Variants in TRDMT1 observed in about 807,000 individuals in gnomAD.
TRDMT1 encodes tRNA (cytosine(38)-C(5))-methyltransferase.
In TRDMT1, 49 loss-of-function variants were observed where a neutral mutation model predicts 51.2. That is an observed-to-expected ratio of 0.96 (90% CI 0.76 to 1.21). The LOEUF is 1.21. TRDMT1 is among the 50% of genes most tolerant of loss of function. The pLI is 0.00. For synonymous variants in TRDMT1, 187 were observed against 164.6 expected (o/e 1.14, Z -1.04); for missense variants, 534 against 462.3 (o/e 1.16, Z -1.42).
Position 17,144,086 on chromosome 10 carries a change from A to G in TRDMT1, c.*4954T>C, listed in dbSNP as rs559277419. On this transcript the variant is annotated 3_prime_UTR_variant, in exon 11 of 11. Coordinates refer to ENST00000377799, the MANE Select transcript of TRDMT1 (RefSeq NM_004412.7). ...GGTGAGAATCTCTAAGAAAAATGGC[A>G]TGAAAAGTGAAGGGTAGAAAGAGAC... 1.1e-5 allele frequency: 11 copies of G among 985,328 alleles called. No individual in the cohort carries two copies. In the African/African-American group the frequency reaches 1.6e-4, roughly 14 times the overall value. 61.0% of individuals were successfully genotyped at this position (985,328 alleles called of 1,614,324 possible).
In TRDMT1 at chr10:17,144,532, T is replaced by C. The variant is rs1283846559; in HGVS notation, c.*4508A>G. On this transcript the variant is annotated 3_prime_UTR_variant, in exon 11 of 11. Transcript: ENST00000377799. ...ACTTGAGGGAGACTTCAGTAAGTGC[T>C]GGATGTGGCTGAAAGTAAGACTCAG... 2.0e-6 allele frequency: 2 copies of C among 985,848 alleles called. No individual in the cohort carries two copies. The highest frequency in any genetic ancestry group is 1.2e-6 in the Non-Finnish European group (1 of 829,930). The allele number at this position is 985,848 out of a possible 1,614,324, so 61.1% of individuals were successfully genotyped here.
intron 2 of TRDMT1, 77 bp from the exon 3 acceptor site, chr10:17,168,994 T>C: frequency 2.2e-6 from 2 of 892,770 alleles, no homozygotes; most frequent in Non-Finnish European, 3.4e-6. Context: ...ATACTAACTA[T>C]AATTAAATAT....
chr10:17,152,401 G>A (rs1269618651), intron 10 of TRDMT1, among the ~76,000 whole-genome samples: 3 of 152,108 alleles, frequency 2.0e-5, no homozygotes, highest in Non-Finnish European at 4.4e-5. Context: ...GTACAAAATG[G>A]TTGTGTTCCA....
Position 17,141,156 on chromosome 10 carries a change from G to T in TRDMT1, c.*7884C>A, listed in dbSNP as rs911269111. Among the ~76,000 whole-genome samples, 8 of 152,030 alleles carry T rather than the reference G, an allele frequency of 5.3e-5. No individual in the cohort carries two copies. The highest frequency in any genetic ancestry group is 1.9e-4 in the African/African-American group (8 of 41,416). ...GGCAACGTGTCATTTTTCTCCAGCT[G>T]CTTTTATTTATTTATTTATTTTTTT... On this transcript the variant is annotated 3_prime_UTR_variant, in exon 11 of 11. Transcript: ENST00000377799.
rs1358646902 is a variant in TRDMT1, at chr10:17,139,102, C to A, written c.*9938G>T. The A allele has an allele frequency of 5.6e-6, 5 of 886,908 alleles. No homozygotes were observed. The highest frequency in any genetic ancestry group is 6.8e-6 in the Non-Finnish European group (5 of 739,936). The allele number at this position is 886,908 out of a possible 1,614,324, so 54.9% of individuals were successfully genotyped here. A position where few individuals can be genotyped will look rare whatever the true frequency, so the allele number is the denominator to read the frequency against. On this transcript the variant is annotated 3_prime_UTR_variant, in exon 11 of 11. Transcript: ENST00000377799. ...ACAGCTCCCGGAATGGGGACTTCAG[C>A]AGCTCCATTGGATTAATCCAAGCTT... is the stretch of plus-strand genomic sequence containing the variant.
In TRDMT1 at chr10:17,201,660, C is replaced by G. The variant is rs1210325117; in HGVS notation, c.-26G>C. 5 of 1,536,392 alleles carry G rather than the reference C, an allele frequency of 3.3e-6. No homozygotes were observed. Among genetic ancestry groups the G allele is most frequent in the East Asian group, 2.5e-5 (1 of 40,286 alleles). On this transcript the variant is annotated 5_prime_UTR_variant, in exon 1 of 11. Transcript: ENST00000377799. ...CCCCGCGCCTCAGCCGCCGCAGCCC[C>G]GGAGCTAGGCCTGCCGGTCCGTCGC...
chr10:17,196,985 C>T (rs961175842), intron 1 of TRDMT1, among the ~76,000 whole-genome samples: 7 of 152,174 alleles, frequency 4.6e-5, no homozygotes, highest in African/African-American at 1.7e-4. Flanking sequence ...GAACCCAGCA[C>T]TGTTGGTGTA....
intron 10 of TRDMT1, chr10:17,151,962 C>T (rs985028481): frequency 1.6e-6 from 2 of 1,261,074 alleles, no homozygotes; most frequent in Non-Finnish European, 2.1e-6. Flanking sequence ...GGGCTCTGTG[C>T]TCCTTACCAA....
intron 8 of TRDMT1, 24 bp from the exon 9 acceptor site, chr10:17,154,758 T>C (rs572651585): frequency 1.3e-5 from 21 of 1,591,142 alleles, no homozygotes; most frequent in Non-Finnish European, 1.7e-5. Flanking sequence ...ACAACAATTA[T>C]GCAGCACCTG....
At chr10:17,173,755 G>A (rs938120164) in intron 2 of TRDMT1, among the ~76,000 whole-genome samples, 5 of 147,886 alleles carry the variant, frequency 3.4e-5, no homozygotes, top group African/African-American at 1.3e-4. Context: ...GATAAATTAG[G>A]AGAAACAACA....
Position 17,160,352 on chromosome 10 carries a change from C to G in TRDMT1, c.412G>C (p.Glu138Gln). ...STRDLLIQTI[E>Q]NCGFQYQEFL... is the part of the protein sequence containing the mutation. ...TCTTGGTACTGAAAGCCACAATTTTCTATTGTTTGTATCAAGAGGTCTCTA... is the reference window on the plus strand; with the variant it reads ...TCTTGGTACTGAAAGCCACAATTTTGTATTGTTTGTATCAAGAGGTCTCTA... Residue 138 changes from glutamate to glutamine, a missense_variant, in exon 6 of 11, where the codon GAA (glutamate) becomes CAA (glutamine). Glu to Gln is a conservative substitution (Grantham distance 29). Transcript: ENST00000377799. 1 of 1,558,120 alleles carries G rather than the reference C, an allele frequency of 6.4e-7. No homozygotes were observed. Among genetic ancestry groups the G allele is most frequent in the Non-Finnish European group, 8.7e-7 (1 of 1,151,840 alleles).
chr10:17,168,509 T>G (rs1416488252), intron 3 of TRDMT1, among the ~76,000 whole-genome samples: 1 of 152,188 alleles, frequency 6.6e-6, no homozygotes, highest in Non-Finnish European at 1.5e-5. Flanking sequence ...AAATCTCATC[T>G]TGAATTTCCA....
chr10:17,144,050 T>G lies in TRDMT1; in HGVS notation c.*4990A>C. ...GGTGTCATCGGCAAAATGGCTGAAG[T>G]TGTAGGAAAGGGTGAGAATCTCTAA... is the stretch of plus-strand genomic sequence containing the variant. On this transcript the variant is annotated 3_prime_UTR_variant, in exon 11 of 11. Coordinates refer to ENST00000377799, the MANE Select transcript of TRDMT1 (RefSeq NM_004412.7). 1.0e-6 allele frequency: 1 copy of G among 985,214 alleles called. No homozygotes were observed. Among genetic ancestry groups the G allele is most frequent in the African/African-American group, 1.7e-5 (1 of 57,270 alleles). 61.0% of individuals were successfully genotyped at this position (985,214 alleles called of 1,614,324 possible).
intron 3 of TRDMT1, among the ~76,000 whole-genome samples, chr10:17,166,265 C>G (rs146395766): frequency 0.016 from 2,403 of 150,962 alleles, 71 homozygotes; most frequent in African/African-American, 0.054. Flanking sequence ...CAAACTATCA[C>G]AAGGACAAAA....
intron 1 of TRDMT1, among the ~76,000 whole-genome samples, chr10:17,176,983 C>G (rs1486334642): frequency 6.6e-6 from 1 of 151,900 alleles, no homozygotes; most frequent in Non-Finnish European, 1.5e-5. Context: ...AAAAAGGAGG[C>G]AGAATTTGGG....
At position 17,174,622 on chromosome 10, in the gene TRDMT1, C is replaced by G; in HGVS notation, c.103G>C (p.Val35Leu). ...IPAQVVAAID[V>L]NTVANEVYKY... ...TATACTTCATTAGCGACAGTGTTGA[C>G]ATCAATGGCAGCCACCACTTGTGCA... Residue 35 changes from valine (V) to leucine (L), a missense_variant, in exon 2 of 11, where the codon GTC (valine) becomes CTC (leucine). Physicochemically the swap from Val to Leu is conservative, Grantham distance 32. Transcript: ENST00000377799. 1 of 1,614,022 alleles carries G rather than the reference C, an allele frequency of 6.2e-7. No homozygotes were observed. The highest frequency in any genetic ancestry group is 8.5e-7 in the Non-Finnish European group (1 of 1,179,972).
intron 3 of TRDMT1, among the ~76,000 whole-genome samples, chr10:17,164,494 A>T (rs1459890056): frequency 6.6e-6 from 1 of 152,202 alleles, no homozygotes; most frequent in African/African-American, 2.4e-5. Context: ...CTTCTATTCA[A>T]CATAGTGTTG....
chr10:17,184,627 T>C (rs1357817068), intron 1 of TRDMT1, among the ~76,000 whole-genome samples: 2 of 152,084 alleles, frequency 1.3e-5, no homozygotes, highest in Non-Finnish European at 2.9e-5. Flanking sequence ...ACTAGCAGTA[T>C]AATTTCTGCT....
chr10:17,157,580 CAG>C lies in TRDMT1; in HGVS notation c.746_747del (p.Ser249CysfsTer9). On this transcript the variant is annotated frameshift_variant, in exon 8 of 11. Coordinates refer to ENST00000377799, the MANE Select transcript of TRDMT1 (RefSeq NM_004412.7). LOFTEE classifies it high-confidence loss of function. ...HRKNQQDSDL[S>X]VKMLKDFLED... Reference sequence around the variant, plus strand: ...TCAAGAAAATCTTTTAGCATTTTCACAGAGAGATCACTATCTTGTTGATTTTT... The same window carrying C: ...TCAAGAAAATCTTTTAGCATTTTCACAGAGATCACTATCTTGTTGATTTTT... 6.2e-7 allele frequency: 1 copy of C among 1,614,040 alleles called. No individual in the cohort carries two copies. The highest frequency in any genetic ancestry group is 8.5e-7 in the Non-Finnish European group (1 of 1,179,958).
Sources: allele counts gnomAD v4.1 joint callset (sites outside exome capture counted in the v4.1 genomes callset), GRCh38; gene constraint gnomAD v4.1.1; transcripts MANE v1.5; gene names NCBI Gene and HGNC (gene_info 2026-07-23, HGNC 2026-07-21).